The following THADA variants were observed in gnomAD, a reference collection of about 807,000 sequenced individuals.
THADA encodes THADA armadillo repeat containing.
THADA carries 213 observed loss-of-function variants against 219.8 expected under a neutral mutation model. The ratio of observed to expected loss-of-function variants is 0.97; its 90% confidence interval spans 0.87 to 1.09. THADA has a LOEUF of 1.09. Ranked by LOEUF, THADA falls within the 50% of genes least tolerant of loss-of-function variation. THADA has a pLI of 0.00. For missense variants in THADA, 2,956 were observed against 2,311.3 expected (o/e 1.28, Z -5.72); for synonymous variants, 1,018 against 828.9 (o/e 1.23, Z -3.92).
At chr2:43,353,241 T>C (rs547842093) in intron 29 of THADA, among the ~76,000 whole-genome samples, 7 of 152,340 alleles carry the variant, frequency 4.6e-5, no homozygotes, top group African/African-American at 1.7e-4. Flanking sequence ...GTAATTTCTT[T>C]AGGAATCTTC....
intron 25 of THADA, among the ~76,000 whole-genome samples, chr2:43,491,234 C>T (rs930333391): frequency 8.5e-5 from 13 of 152,188 alleles, no homozygotes; most frequent in African/African-American, 3.1e-4. Flanking sequence ...ACTCCTAATT[C>T]ACTGACAATA....
rs10196037 is a variant in THADA at position 43,344,903 on chromosome 2, C to T, written c.4228-666G>A. ...ATGTACTGGATTCAGCAATGACATC[C>T]GCAAAGCCTCTGTGAGGAGTACAAA... On this transcript the variant is annotated intron_variant, in intron 29 of 37. Coordinates refer to ENST00000405975, the MANE Select transcript of THADA (RefSeq NM_022065.5). 4.0e-3 allele frequency among the ~76,000 whole-genome samples: 610 copies of T among 152,236 alleles called. 5 individuals carry two copies. Among genetic ancestry groups the T allele is most frequent in the African/African-American group, 0.013 (541 of 41,534 alleles).
At chr2:43,434,723 C>T (rs1293494843) in intron 26 of THADA, among the ~76,000 whole-genome samples, 2 of 152,218 alleles carry the variant, frequency 1.3e-5, no homozygotes, top group African/African-American at 4.8e-5. Flanking sequence ...AGAGCTACTT[C>T]CAATCAATAA....
chr2:43,585,080 C>T, intron 7 of THADA, among the ~76,000 whole-genome samples: 1 of 152,114 alleles, frequency 6.6e-6, no homozygotes, highest in Non-Finnish European at 1.5e-5. Context: ...TTTAAACGTA[C>T]TGACATCTTT....
rs543629795 is a variant in THADA at position 43,365,321 on chromosome 2, TG to T, written c.4228-21085del. Among the ~76,000 whole-genome samples, 16 of 152,072 alleles carry T rather than the reference TG, an allele frequency of 1.1e-4. No homozygotes were observed. The South Asian group carries it at 2.5e-3, about 24-fold the overall frequency. ...TTCGGTGGCTTACACCTATAATCCC[TG>T]CACTTTGGAAGGCTGAGGCAGGCAG... is the stretch of plus-strand genomic sequence containing the variant. On this transcript the variant is annotated intron_variant, in intron 29 of 37. Coordinates refer to ENST00000405975, the MANE Select transcript of THADA (RefSeq NM_022065.5).
At chr2:43,375,378 A>G (rs1414101031) in intron 29 of THADA, among the ~76,000 whole-genome samples, 1 of 152,262 alleles carries the variant, frequency 6.6e-6, no homozygotes, top group African/African-American at 2.4e-5. Flanking sequence ...AAACACTGCA[A>G]GATCACAAAC....
chr2:43,594,476 C>A (rs1369671696), intron 1 of THADA, among the ~76,000 whole-genome samples: 1 of 152,014 alleles, frequency 6.6e-6, no homozygotes, highest in Non-Finnish European at 1.5e-5. Context: ...CCCAGCTACT[C>A]CGGAGGCTGA....
intron 28 of THADA, among the ~76,000 whole-genome samples, chr2:43,407,738 C>G (rs995896176): frequency 6.6e-6 from 1 of 152,058 alleles, no homozygotes; most frequent in Non-Finnish European, 1.5e-5. Context: ...TGAGTGCCTG[C>G]TAGATGCCAG....
intron 22 of THADA, among the ~76,000 whole-genome samples, chr2:43,511,334 G>A (rs1690416294): frequency 1.3e-5 from 2 of 152,144 alleles, no homozygotes; most frequent in African/African-American, 4.8e-5. Context: ...AACTGTCAGT[G>A]GGCCTCCCCT....
intron 26 of THADA, among the ~76,000 whole-genome samples, chr2:43,482,787 T>C (rs770771400): frequency 6.6e-6 from 1 of 152,132 alleles, no homozygotes; most frequent in Non-Finnish European, 1.5e-5. Context: ...ATCACAGAAG[T>C]GGTAACAGAA....
intron 36 of THADA, among the ~76,000 whole-genome samples, chr2:43,266,407 C>T (rs973184206): frequency 4.6e-5 from 7 of 152,220 alleles, no homozygotes; most frequent in East Asian, 1.9e-4. Flanking sequence ...CTGGCTAACA[C>T]GGTGAAACCC....
chr2:43,354,419 ACTGTAG>A (rs1668650996), intron 29 of THADA, among the ~76,000 whole-genome samples: 1 of 151,774 alleles, frequency 6.6e-6, no homozygotes, highest in Non-Finnish European at 1.5e-5. Flanking sequence ...ATTATTGTTG[ACTGTAG>A]TTACCCTATT....
intron 8 of THADA, among the ~76,000 whole-genome samples, chr2:43,579,644 A>G (rs1208418731): frequency 2.0e-5 from 3 of 152,244 alleles, no homozygotes; most frequent in Non-Finnish European, 2.9e-5. Context: ...AGGTAGGCAT[A>G]TAAGAGGGTT....
intron 37 of THADA, 111 bp downstream of exon 37, chr2:43,232,602 C>A: frequency 1.7e-6 from 2 of 1,209,844 alleles, no homozygotes; most frequent in Non-Finnish European, 2.3e-6. Flanking sequence ...CCTAGTGGTT[C>A]CTGCTCTGTG....
chr2:43,592,966 G>C (rs151030573), intron 1 of THADA: 1 of 152,044 alleles, frequency 6.6e-6, no homozygotes, highest in Non-Finnish European at 1.5e-5. Flanking sequence ...ACAAATCAAC[G>C]GGTTCATAAC....
chr2:43,256,801 C>T (rs1156465579), intron 36 of THADA, among the ~76,000 whole-genome samples: 3 of 151,978 alleles, frequency 2.0e-5, no homozygotes, highest in Non-Finnish European at 2.9e-5. Flanking sequence ...CTGGTCATGA[C>T]CTCCTGGGCT....
intron 26 of THADA, among the ~76,000 whole-genome samples, chr2:43,454,294 T>A (rs1203085008): frequency 6.6e-6 from 1 of 152,202 alleles, no homozygotes; most frequent in Non-Finnish European, 1.5e-5. Context: ...AGACCTTTTC[T>A]ATGCACATAT....
At chr2:43,332,463 G>A (rs1665899917) in intron 30 of THADA, among the ~76,000 whole-genome samples, 1 of 152,180 alleles carries the variant, frequency 6.6e-6, no homozygotes, top group African/African-American at 2.4e-5. Flanking sequence ...CTGAAACAGA[G>A]ACAATTATCG....
intron 37 of THADA, among the ~76,000 whole-genome samples, 155 bp downstream of exon 37, chr2:43,232,558 C>G (rs1667562330): frequency 6.6e-6 from 1 of 152,172 alleles, no homozygotes; most frequent in South Asian, 2.1e-4. Flanking sequence ...TAAGAGTGTC[C>G]CCGTGTCCTC....
Sources: gnomAD v4.1 joint callset for allele counts (sites outside exome capture counted in the v4.1 genomes callset) on GRCh38, gnomAD v4.1.1 for gene constraint, MANE v1.5 for transcripts, NCBI Gene and HGNC (gene_info 2026-07-23, HGNC 2026-07-21) for gene names.